SKOR2: variants seen among roughly 807,000 people sequenced by gnomAD.
SKOR2 encodes SKI family transcriptional corepressor 2.
Under a neutral mutation model 69.1 loss-of-function variants are expected in SKOR2, and 47 were observed. The observed-to-expected ratio is 0.68, with a 90% CI of 0.54 to 0.87. SKOR2 has a LOEUF of 0.87. SKOR2 is among the 40% of genes least tolerant of loss of function. The pLI is 0.00. For synonymous variants in SKOR2, 717 were observed against 672.6 expected, an observed-to-expected ratio of 1.07 and a Z score of -1.02; for missense variants, 1,404 against 1,472.2, an observed-to-expected ratio of 0.95 and a Z score of 0.76.
Position 47,249,224 on chromosome 18 carries a change from T to C in SKOR2, c.-41A>G, listed in dbSNP as rs1272810033. Reference sequence around the variant, plus strand: ...CCGGGCCGAGCCCTACAGGTCTGCCTTGGACACTGGAAGGGAAAGGAGAAA... The same window carrying C: ...CCGGGCCGAGCCCTACAGGTCTGCCCTGGACACTGGAAGGGAAAGGAGAAA... On this transcript the variant is annotated 5_prime_UTR_variant, in exon 2 of 9. Coordinates refer to ENST00000425639, the MANE Select transcript of SKOR2 (RefSeq NM_001278063.4). The C allele has an allele frequency of 1.3e-6, 2 of 1,511,206 alleles. No homozygotes were observed. Among genetic ancestry groups the C allele is most frequent in the East Asian group, 2.5e-5 (1 of 40,634 alleles). 93.6% of individuals were successfully genotyped at this position (1,511,206 alleles called of 1,614,324 possible).
At position 47,247,598 on chromosome 18, in the gene SKOR2, G is replaced by C; in HGVS notation, c.1586C>G (p.Pro529Arg). ...GGCCACTACCTGCGGGGGCTGCCCC[G>C]GCGGGGGCGCGGCCTCGGCGCTCCC... ...AAGSAEAAPP[P>R]GQPPQVVANG... The change falls in exon 2 of 9, where the codon CCG becomes CGG. Residue 529 changes from proline (P) to arginine (R), a missense_variant. Around this residue, in one of 3 missense-constraint regions of SKOR2, gnomAD observed 1,266 missense variants for 1,309.9 expected, o/e 0.97. Transcript: ENST00000425639. This position sits in a 1 kb window ranked among gnomAD's most constrained non-coding sequence, Gnocchi z 6.6. The C allele has an allele frequency of 7.9e-7, 1 of 1,267,554 alleles. No individual in the cohort carries two copies. Among genetic ancestry groups the C allele is most frequent in the Non-Finnish European group, 9.9e-7 (1 of 1,009,306 alleles). The allele number at this position is 1,267,554 out of a possible 1,614,324, so 78.5% of individuals were successfully genotyped here. A position where few individuals can be genotyped will look rare whatever the true frequency, so the allele number is the denominator to read the frequency against.
chr18:47,227,073 G>A (rs760919023), intron 6 of SKOR2, among the ~76,000 whole-genome samples: 12 of 152,126 alleles, frequency 7.9e-5, no homozygotes, highest in East Asian at 3.9e-4. Flanking sequence ...TCCAGCAAGC[G>A]CAGAGACTTG....
At chr18:47,210,431 A>G (rs1176860217) in intron 8 of SKOR2, among the ~76,000 whole-genome samples, 1 of 152,216 alleles carries the variant, frequency 6.6e-6, no homozygotes, top group Non-Finnish European at 1.5e-5. Flanking sequence ...TATGATTTAT[A>G]AACTTTGAAT....
chr18:47,247,686 C>G lies in SKOR2; in HGVS notation c.1498G>C (p.Gly500Arg). ...TGGCGCAGCAGGGCCGGGCTTTCGC[C>G]TAGCGCGCAGCCTAGCGCCGAGGGC... ...QPPSALGCAL[G>R]ESPALLRQAF... Residue 500 changes from glycine to arginine, a missense_variant, in exon 2 of 9, where the codon GGC becomes CGC. This residue lies in a region of SKOR2 where 1,266 missense variants were observed against 1,309.9 expected (regional missense o/e 0.97). Coordinates refer to ENST00000425639, the MANE Select transcript of SKOR2 (RefSeq NM_001278063.4). The surrounding 1 kb of genome is among the most constrained non-coding windows in gnomAD (Gnocchi z 6.6). 7.3e-7 allele frequency: 1 copy of G among 1,371,654 alleles called. No homozygotes were observed. Among genetic ancestry groups the G allele is most frequent in the Non-Finnish European group, 9.4e-7 (1 of 1,068,232 alleles). 85.0% of individuals were successfully genotyped at this position (1,371,654 alleles called of 1,614,324 possible). A position where few individuals can be genotyped will look rare whatever the true frequency, so the allele number is the denominator to read the frequency against.
chr18:47,212,779 C>A (rs1183782466), intron 7 of SKOR2, among the ~76,000 whole-genome samples: 1 of 151,934 alleles, frequency 6.6e-6, no homozygotes, highest in Admixed American at 6.6e-5. Flanking sequence ...TCAAGACCAG[C>A]TTGGGCAACA....
chr18:47,237,623 T>A (rs1355594), intron 4 of SKOR2, among the ~76,000 whole-genome samples: 1 of 151,740 alleles, frequency 6.6e-6, no homozygotes, highest in Non-Finnish European at 1.5e-5. Context: ...TGAATAAAGA[T>A]CAAAAAATGT....
At chr18:47,238,128 C>T (rs1176845513) in intron 4 of SKOR2, among the ~76,000 whole-genome samples, 1 of 152,046 alleles carries the variant, frequency 6.6e-6, no homozygotes, top group African/African-American at 2.4e-5. Context: ...ACTGAAAGGG[C>T]TATTATGTCC....
At chr18:47,232,917 A>G (rs914615595) in intron 4 of SKOR2, among the ~76,000 whole-genome samples, 1 of 152,188 alleles carries the variant, frequency 6.6e-6, no homozygotes, top group African/African-American at 2.4e-5. Flanking sequence ...CAAAGAGGGA[A>G]ACAGAATTTC....
intron 4 of SKOR2, among the ~76,000 whole-genome samples, chr18:47,233,136 C>A (rs2064206527): frequency 6.6e-6 from 1 of 152,042 alleles, no homozygotes; most frequent in South Asian, 2.1e-4. Context: ...GAGGAAGGAG[C>A]CTAATAATAT....
intron 4 of SKOR2, among the ~76,000 whole-genome samples, chr18:47,232,447 C>T (rs2064203348): frequency 6.6e-6 from 1 of 152,116 alleles, no homozygotes; most frequent in South Asian, 2.1e-4. Context: ...AAAATTCAAC[C>T]CCCTATCCTC....
intron 8 of SKOR2, among the ~76,000 whole-genome samples, chr18:47,207,438 C>G (rs2064116300): frequency 6.6e-6 from 1 of 152,162 alleles, no homozygotes; most frequent in Non-Finnish European, 1.5e-5. Flanking sequence ...GGCTCAAATC[C>G]TGCCACTTCC....
intron 4 of SKOR2, 122 bp from the exon 5 acceptor site, chr18:47,231,122 C>A: frequency 6.5e-7 from 1 of 1,536,004 alleles, no homozygotes; most frequent in South Asian, 1.2e-5. Context: ...ATTGGAAGTC[C>A]TCATAACCAA....
intron 4 of SKOR2, among the ~76,000 whole-genome samples, chr18:47,241,786 T>C (rs1330387951): frequency 2.6e-5 from 4 of 152,218 alleles, no homozygotes; most frequent in Non-Finnish European, 1.5e-5. Flanking sequence ...CAATACAGGA[T>C]AATAAGATTG....
rs755307760 is a variant in SKOR2, at chr18:47,247,066, A to AGGGGGCGGC, written c.2109_2117dup (p.Pro704_Pro706dup). On this transcript the variant is annotated inframe_insertion, in exon 2 of 9. Coordinates refer to ENST00000425639, the MANE Select transcript of SKOR2 (RefSeq NM_001278063.4). The surrounding 1 kb of genome is among the most constrained non-coding windows in gnomAD (Gnocchi z 6.6). ...CTCGGTGGTGCGGGTGCTGGGCCAGAGGGGGCGGCGGGGGCGGCGGCGGCG... is the reference window on the plus strand; with the variant it reads ...CTCGGTGGTGCGGGTGCTGGGCCAGAGGGGGCGGCGGGGGCGGCGGGGGCGGCGGCGGCG... 4.6e-5 allele frequency: 41 copies of AGGGGGCGGC among 886,058 alleles called. No homozygotes were observed. The highest frequency in any genetic ancestry group is 1.5e-4 in the Admixed American group (3 of 19,880). The allele number at this position is 886,058 out of a possible 1,614,324, so 54.9% of individuals were successfully genotyped here.
At chr18:47,223,216 C>T (rs574980086) in intron 6 of SKOR2, among the ~76,000 whole-genome samples, 1 of 152,052 alleles carries the variant, frequency 6.6e-6, no homozygotes, top group South Asian at 2.1e-4. Context: ...AACACATCAA[C>T]AGAAATATGG....
At chr18:47,232,704 T>C (rs72913178) in intron 4 of SKOR2, among the ~76,000 whole-genome samples, 1,867 of 152,282 alleles carry the variant, frequency 0.012, 24 homozygotes, top group Non-Finnish European at 0.019. Flanking sequence ...GCGCTGAACA[T>C]ACAATAAGCA....
At chr18:47,236,526 G>A (rs943851641) in intron 4 of SKOR2, among the ~76,000 whole-genome samples, 4 of 152,176 alleles carry the variant, frequency 2.6e-5, no homozygotes, top group Non-Finnish European at 5.9e-5. Flanking sequence ...GGGGTGGGGG[G>A]CTTTGGGAGG....
Position 47,249,342 on chromosome 18 carries a change from C to T in SKOR2, c.-47-112G>A, listed in dbSNP as rs902761793. 11 of 1,038,326 alleles carry T rather than the reference C, an allele frequency of 1.1e-5. No homozygotes were observed. In the East Asian group the frequency reaches 2.9e-4, roughly 27 times the overall value. 64.3% of individuals were successfully genotyped at this position (1,038,326 alleles called of 1,614,324 possible). A position where few individuals can be genotyped will look rare whatever the true frequency, so the allele number is the denominator to read the frequency against. On this transcript the variant is annotated intron_variant, in intron 1 of 8. Transcript: ENST00000425639. ...TAACTTTCTTGCTTTGGTTAAGACA[C>T]GATTATTACTGGAAAAAGTGACCAA... is the stretch of plus-strand genomic sequence containing the variant.
At position 47,225,892 on chromosome 18, in the gene SKOR2, G is replaced by A. The variant is rs145334247; in HGVS notation, c.2917+4567C>T. Among the ~76,000 whole-genome samples the A allele has an allele frequency of 5.9e-5, 9 of 152,246 alleles. No individual in the cohort carries two copies. The East Asian group carries it at 1.7e-3, about 29-fold the overall frequency. ...GGGGAGGGGCACACAATTATGACAG[G>A]TTTTGAGAGTCAGTTAACTTAGATA... On this transcript the variant is annotated intron_variant, in intron 6 of 8. Transcript: ENST00000425639.
Sources: allele counts gnomAD v4.1 joint callset (sites outside exome capture counted in the v4.1 genomes callset), GRCh38; gene constraint gnomAD v4.1.1; regional missense constraint gnomAD v4.1.1; non-coding constraint Gnocchi (gnomAD v3.1); transcripts MANE v1.5; gene names NCBI Gene and HGNC (gene_info 2026-07-23, HGNC 2026-07-21).